The following TBC1D22A variants were observed in gnomAD, a reference collection of about 807,000 sequenced individuals.
The protein encoded by TBC1D22A is putative GTPase activator.
In TBC1D22A, 38 loss-of-function variants were observed where a neutral mutation model predicts 60.2. The ratio of observed to expected loss-of-function variants is 0.63; its 90% CI spans 0.49 to 0.83. The LOEUF (loss-of-function observed/expected upper bound fraction) is 0.83. Among genes scored for constraint, TBC1D22A ranks in the 40% least tolerant of loss-of-function variants. The pLI, the probability that TBC1D22A is intolerant of heterozygous loss-of-function variation, is 0.00. For synonymous variants in TBC1D22A, 302 were observed against 281.7 expected (o/e 1.07, Z -0.72); for missense variants, 628 against 701.0 (o/e 0.90, Z 1.18).
At chr22:46,964,560 A>G (rs778354355) in intron 8 of TBC1D22A, among the ~76,000 whole-genome samples, 1 of 152,026 alleles carries the variant, frequency 6.6e-6, no homozygotes, top group African/African-American at 2.4e-5. Flanking sequence ...GAAAGGAAGC[A>G]GTCTTAGTTT....
intron 6 of TBC1D22A, 108 bp from the exon 7 acceptor site, chr22:46,894,676 G>C: frequency 7.8e-7 from 1 of 1,280,536 alleles, no homozygotes. Flanking sequence ...GAGAGAGCGG[G>C]GTAGAGGCCG....
intron 11 of TBC1D22A, among the ~76,000 whole-genome samples, chr22:47,092,211 G>A (rs1243119741): frequency 6.6e-6 from 1 of 152,190 alleles, no homozygotes; most frequent in East Asian, 1.9e-4. Flanking sequence ...CTGGCCTCAG[G>A]AGTCCCTGTG....
intron 7 of TBC1D22A, 89 bp downstream of exon 7, chr22:46,894,935 C>T: frequency 1.4e-6 from 2 of 1,463,122 alleles, no homozygotes; most frequent in Admixed American, 3.4e-5. Flanking sequence ...GCCGGAGGTG[C>T]TTCACCCAGA....
rs114567384 is a variant in TBC1D22A, at chr22:46,965,924, C to T, written c.1016-8366C>T. On this transcript the variant is annotated intron_variant, in intron 8 of 12. Transcript: ENST00000337137. ...GCCTGTGCCCACCTCGTTTCCACAG[C>T]GCTGGCTTCATCACGTCCCTCCCTG... is the stretch of plus-strand genomic sequence containing the variant. Among the ~76,000 whole-genome samples the T allele has an allele frequency of 3.6e-4, 55 of 152,332 alleles. No homozygotes were observed. In the South Asian group the frequency reaches 4.3e-3, roughly 12 times the overall value.
intron 8 of TBC1D22A, among the ~76,000 whole-genome samples, chr22:46,962,152 G>A (rs1163284431): frequency 6.6e-6 from 1 of 152,182 alleles, no homozygotes; most frequent in African/African-American, 2.4e-5. Context: ...GCTGGCTTCT[G>A]CCCAGGATCG....
chr22:46,804,136 G>C (rs2085026104), intron 4 of TBC1D22A, among the ~76,000 whole-genome samples: 1 of 152,166 alleles, frequency 6.6e-6, no homozygotes, highest in African/African-American at 2.4e-5. Flanking sequence ...TGTGACTCTG[G>C]GTTTGCGTTT....
chr22:46,953,818 T>C (rs1377301397), intron 8 of TBC1D22A, among the ~76,000 whole-genome samples: 4 of 152,258 alleles, frequency 2.6e-5, no homozygotes, highest in Admixed American at 2.6e-4. Context: ...TATTTACCTC[T>C]ATCAGGTGCT....
At chr22:47,020,177 T>A (rs1281610101) in intron 10 of TBC1D22A, among the ~76,000 whole-genome samples, 2 of 152,194 alleles carry the variant, frequency 1.3e-5, no homozygotes, top group East Asian at 3.8e-4. Context: ...TGCATTCTTA[T>A]GGGAGGAACA....
intron 4 of TBC1D22A, among the ~76,000 whole-genome samples, chr22:46,823,387 C>T (rs966243850): frequency 3.9e-5 from 6 of 152,226 alleles, no homozygotes; most frequent in African/African-American, 1.4e-4. Flanking sequence ...GCATCACCAG[C>T]TCCATTCAGT....
chr22:47,096,749 G>T (rs2065191511), intron 11 of TBC1D22A, among the ~76,000 whole-genome samples: 1 of 152,210 alleles, frequency 6.6e-6, no homozygotes, highest in Non-Finnish European at 1.5e-5. Flanking sequence ...TTGAACCTGG[G>T]AGGTGGAGGT....
At chr22:46,935,883 G>T (rs911042371) in intron 8 of TBC1D22A, among the ~76,000 whole-genome samples, 5 of 151,718 alleles carry the variant, frequency 3.3e-5, no homozygotes, top group Non-Finnish European at 5.9e-5. Flanking sequence ...TTGCTGTCGC[G>T]CTGTCTCCTG....
intron 4 of TBC1D22A, among the ~76,000 whole-genome samples, chr22:46,800,548 G>T (rs976857613): frequency 6.6e-6 from 1 of 152,148 alleles, no homozygotes; most frequent in African/African-American, 2.4e-5. Flanking sequence ...TGGAGAGCTG[G>T]CTCCACTGGT....
intron 12 of TBC1D22A, among the ~76,000 whole-genome samples, chr22:47,130,881 G>C (rs1398078654): frequency 6.6e-6 from 1 of 152,222 alleles, no homozygotes; most frequent in Non-Finnish European, 1.5e-5. Flanking sequence ...CCTGGCCTGG[G>C]TAATTTATAA....
At chr22:47,136,124 T>A (rs2066862094) in intron 12 of TBC1D22A, among the ~76,000 whole-genome samples, 1 of 152,232 alleles carries the variant, frequency 6.6e-6, no homozygotes, top group Admixed American at 6.5e-5. Context: ...GTGGAAGGCC[T>A]TGGATACTCG....
chr22:46,837,416 C>T (rs2086571614), intron 4 of TBC1D22A, among the ~76,000 whole-genome samples: 1 of 152,148 alleles, frequency 6.6e-6, no homozygotes, highest in African/African-American at 2.4e-5. Flanking sequence ...TATAGACAGA[C>T]CATTCCATCC....
chr22:47,011,992 G>A (rs79917746), intron 10 of TBC1D22A, among the ~76,000 whole-genome samples: 1 of 151,634 alleles, frequency 6.6e-6, no homozygotes. Flanking sequence ...TTCCCACCCC[G>A]CTCTGCCTTG....
intron 1 of TBC1D22A, among the ~76,000 whole-genome samples, chr22:46,765,955 T>TTA (rs1302979162): frequency 8.8e-6 from 1 of 113,410 alleles, no homozygotes; most frequent in East Asian, 2.7e-4. Context: ...CCCAGCTAAT[T>TTA]TATGTGTGTG....
chr22:46,978,267 G>A (rs2074381975), intron 9 of TBC1D22A, among the ~76,000 whole-genome samples: 2 of 152,316 alleles, frequency 1.3e-5, no homozygotes, highest in South Asian at 4.1e-4. Flanking sequence ...AAGAGCTTTT[G>A]TTTGTGTGGG....
chr22:47,105,724 C>T (rs1036891152), intron 11 of TBC1D22A, among the ~76,000 whole-genome samples: 1 of 152,190 alleles, frequency 6.6e-6, no homozygotes, highest in African/African-American at 2.4e-5. Flanking sequence ...ACAAGGCCCT[C>T]AGGCTCTAGA....
Sources: gnomAD v4.1 joint callset for allele counts (sites outside exome capture counted in the v4.1 genomes callset) on GRCh38, gnomAD v4.1.1 for gene constraint, MANE v1.5 for transcripts, NCBI Gene and HGNC (gene_info 2026-07-23, HGNC 2026-07-21) for gene names.